Variants in CCDC30 observed in about 807,000 individuals in gnomAD.
CCDC30 encodes the protein coiled-coil domain containing 30.
CCDC30 carries 70 observed loss-of-function variants against 100.2 expected under a neutral mutation model. That is an observed-to-expected ratio of 0.70 (90% CI 0.58 to 0.85). The LOEUF is 0.85. Ranked by LOEUF, CCDC30 falls within the 40% of genes least tolerant of loss-of-function variation. The probability of loss-of-function intolerance (pLI) is 0.00; values close to 1 mark genes in which losing one functional copy is unlikely to be tolerated. For missense variants in CCDC30, 652 were observed against 771.2 expected (o/e 0.85, Z 1.83); for synonymous variants, 233 against 269.5 (o/e 0.86, Z 1.33).
chr1:42,649,115 A>C (rs981372472), intron 15 of CCDC30, among the ~76,000 whole-genome samples: 8 of 152,208 alleles, frequency 5.3e-5, no homozygotes, highest in African/African-American at 1.9e-4. Flanking sequence ...AGTCCACCAA[A>C]TATTTAAAGA....
chr1:42,553,499 A>T (rs947293489), intron 6 of CCDC30, among the ~76,000 whole-genome samples: 9 of 148,244 alleles, frequency 6.1e-5, no homozygotes, highest in African/African-American at 2.2e-4. Flanking sequence ...TTAAAAAAAA[A>T]ATATGAAACT....
At chr1:42,599,791 T>C (rs1646365506) in intron 10 of CCDC30, among the ~76,000 whole-genome samples, 1 of 151,986 alleles carries the variant, frequency 6.6e-6, no homozygotes, top group African/African-American at 2.4e-5. Flanking sequence ...TACTTCAGAG[T>C]AAGGGAAGTG....
chr1:42,545,406 G>T lies in CCDC30; in HGVS notation c.457-20890G>T, dbSNP rs948795030. 1 of 1,547,508 alleles carries T rather than the reference G, an allele frequency of 6.5e-7. No homozygotes were observed. Among genetic ancestry groups the T allele is most frequent in the South Asian group, 1.3e-5 (1 of 79,794 alleles). On this transcript the variant is annotated intron_variant, in intron 6 of 16. Transcript: ENST00000668663. ...GAATATTTGTCTTTCACTTAATTTT[G>T]CAGGTCTTGAAGCTTTCACAAGAAT...
intron 6 of CCDC30, among the ~76,000 whole-genome samples, chr1:42,565,477 C>A (rs186767261): frequency 6.6e-6 from 1 of 152,234 alleles, no homozygotes; most frequent in East Asian, 1.9e-4. Context: ...CAAATTAAAA[C>A]CACAATGAAA....
chr1:42,616,608 T>C (rs1646731922), intron 11 of CCDC30, among the ~76,000 whole-genome samples: 1 of 152,262 alleles, frequency 6.6e-6, no homozygotes, highest in Admixed American at 6.5e-5. Flanking sequence ...AACCTGGTTT[T>C]ACTTAAACAC....
chr1:42,624,461 C>G (rs1646896318), intron 11 of CCDC30, among the ~76,000 whole-genome samples: 1 of 151,974 alleles, frequency 6.6e-6, no homozygotes, highest in African/African-American at 2.4e-5. Flanking sequence ...AATGTATTAT[C>G]GAATTCCATT....
intron 6 of CCDC30, among the ~76,000 whole-genome samples, chr1:42,546,385 CA>C (rs1159008864): frequency 0.014 from 70 of 5,008 alleles, no homozygotes; most frequent in South Asian, 0.034. Context: ...AATTCTGTCT[CA>C]AAAAAAAAAA....
intron 6 of CCDC30, among the ~76,000 whole-genome samples, chr1:42,502,187 C>T (rs1471047513): frequency 6.6e-6 from 1 of 152,120 alleles, no homozygotes; most frequent in East Asian, 1.9e-4. Flanking sequence ...TCACTGCTGC[C>T]TTGCAGTTCG....
chr1:42,603,483 A>G (rs1185284899), intron 10 of CCDC30, among the ~76,000 whole-genome samples: 1 of 152,224 alleles, frequency 6.6e-6, no homozygotes, highest in East Asian at 1.9e-4. Flanking sequence ...TCCAACATCC[A>G]TTCACTATAA....
Position 42,615,423 on chromosome 1 carries a change from G to A in CCDC30, c.1277+4333G>A, listed in dbSNP as rs1055020438. Reference sequence around the variant, plus strand: ...AGCAATTCTCCTGCCTCAGCCTCCCGAGTAGCTGGGATTACAGGCGCACGC... The same window carrying A: ...AGCAATTCTCCTGCCTCAGCCTCCCAAGTAGCTGGGATTACAGGCGCACGC... On this transcript the variant is annotated intron_variant, in intron 11 of 16. Coordinates refer to ENST00000668663, the Ensembl canonical transcript of CCDC30. Among the ~76,000 whole-genome samples, 14 of 152,090 alleles carry A rather than the reference G, an allele frequency of 9.2e-5. 1 individual carries two copies. The highest frequency in any genetic ancestry group is 6.8e-3 in the Middle Eastern group (2 of 294).
chr1:42,536,655 T>G, intron 6 of CCDC30, 54 bp downstream of exon 7: 2 of 1,279,774 alleles, frequency 1.6e-6, no homozygotes, highest in South Asian at 2.5e-5. Context: ...ATTTAGGGAT[T>G]TCATGTTATC....
At chr1:42,531,218 T>C (rs546369569) in intron 6 of CCDC30, among the ~76,000 whole-genome samples, 216 of 152,264 alleles carry the variant, frequency 1.4e-3, no homozygotes, top group African/African-American at 4.9e-3. Context: ...GCTCTGGCCA[T>C]GTAACACGTG....
chr1:42,522,872 T>C (rs1006489726), intron 6 of CCDC30, among the ~76,000 whole-genome samples: 2 of 152,114 alleles, frequency 1.3e-5, no homozygotes, highest in African/African-American at 4.8e-5. Context: ...TGTTACAATA[T>C]TACTTTTTTT....
chr1:42,610,991 A>G, exon 11 of CCDC30: 3 of 1,604,260 alleles, frequency 1.9e-6, no homozygotes, highest in Non-Finnish European at 2.6e-6. Flanking sequence ...GTCAAAAGCA[A>G]CCAGGAATTG....
intron 11 of CCDC30, among the ~76,000 whole-genome samples, chr1:42,616,438 A>G (rs1283290704): frequency 6.6e-6 from 1 of 152,204 alleles, no homozygotes; most frequent in African/African-American, 2.4e-5. Flanking sequence ...TATATTTAGG[A>G]AAGAAAATGG....
In CCDC30 at chr1:42,653,817, G is replaced by T; in HGVS notation, c.1923-1G>T. On this transcript the variant is annotated splice_acceptor_variant, in intron 16 of 16. Coordinates refer to ENST00000668663, the Ensembl canonical transcript of CCDC30. LOFTEE classifies it high-confidence loss of function. ...ATGTCCTCACATATGGCATTTCTTA[G>T]TTTTTCAGGAAAAGGTTTGGTAGAG... The T allele has an allele frequency of 1.9e-6, 3 of 1,612,702 alleles. No homozygotes were observed. Among genetic ancestry groups the T allele is most frequent in the Non-Finnish European group, 2.5e-6 (3 of 1,178,958 alleles).
chr1:42,458,561 C>G (rs1458236657), upstream of CCDC30, among the ~76,000 whole-genome samples: 7 of 152,114 alleles, frequency 4.6e-5, no homozygotes, highest in Non-Finnish European at 8.8e-5. Flanking sequence ...ATAAATAAGT[C>G]AAATACATAA....
chr1:42,621,377 G>A (rs1460160371), intron 11 of CCDC30, among the ~76,000 whole-genome samples: 6 of 151,756 alleles, frequency 4.0e-5, no homozygotes, highest in South Asian at 2.1e-4. Context: ...GTGCAGTGGC[G>A]CAATCTCAGC....
intron 4 of CCDC30, among the ~76,000 whole-genome samples, chr1:42,493,597 A>G (rs1320327944): frequency 6.6e-6 from 1 of 152,118 alleles, no homozygotes; most frequent in African/African-American, 2.4e-5. Flanking sequence ...AAAAAGAAAA[A>G]AAAATCAACA....
Sources: gnomAD v4.1 joint callset for allele counts (sites outside exome capture counted in the v4.1 genomes callset) on GRCh38, gnomAD v4.1.1 for gene constraint, MANE v1.5 for transcripts, NCBI Gene and HGNC (gene_info 2026-07-23, HGNC 2026-07-21) for gene names.